Variants in PCDHA5 observed in about 807,000 individuals in gnomAD.
PCDHA5 encodes protocadherin alpha 5, also known as protocadherin alpha-5.
Under a neutral mutation model 61.6 loss-of-function variants are expected in PCDHA5, and 43 were observed. The observed-to-expected ratio is 0.70, with a 90% CI of 0.55 to 0.90. The LOEUF is 0.90. Ranked by LOEUF, PCDHA5 falls within the 40% of genes least tolerant of loss-of-function variation. PCDHA5 has a pLI of 0.00. For synonymous variants in PCDHA5, 627 were observed against 543.9 expected (o/e 1.15, Z -2.13); for missense variants, 1,298 against 1,222.7 (o/e 1.06, Z -0.92).
chr5:140,917,164 G>C (rs155804), intron 1 of PCDHA5, among the ~76,000 whole-genome samples: 48,022 of 151,994 alleles, frequency 0.32, 7,940 homozygotes, highest in East Asian at 0.52. Context: ...TATGGGAGGG[G>C]TGATGGTGGT....
intron 1 of PCDHA5, among the ~76,000 whole-genome samples, chr5:140,964,512 T>C (rs2095837085): frequency 6.6e-6 from 1 of 152,128 alleles, no homozygotes; most frequent in African/African-American, 2.4e-5. Context: ...CAATACCCAG[T>C]GGCCAGGTCT....
chr5:140,990,280 G>C (rs1224210562), intron 3 of PCDHA5, among the ~76,000 whole-genome samples: 1 of 152,264 alleles, frequency 6.6e-6, no homozygotes, highest in African/African-American at 2.4e-5. Context: ...CCCGGGTCTT[G>C]AGATTATCGA....
intron 1 of PCDHA5, among the ~76,000 whole-genome samples, chr5:140,961,978 G>T (rs1336878095): frequency 6.6e-6 from 1 of 151,828 alleles, no homozygotes; most frequent in Non-Finnish European, 1.5e-5. Context: ...CCGCCTCCTG[G>T]GTTCACGCCA....
At chr5:140,938,322 A>G (rs1467948489) in intron 1 of PCDHA5, among the ~76,000 whole-genome samples, 1 of 152,240 alleles carries the variant, frequency 6.6e-6, no homozygotes, top group Admixed American at 6.5e-5. Context: ...ATTGAATAGA[A>G]GTAATGTTAA....
rs185115696 is a variant in PCDHA5, at chr5:140,899,982, A to G, written c.2352+75855A>G. Among the ~76,000 whole-genome samples the G allele has an allele frequency of 7.7e-3, 1,166 of 150,716 alleles. 5 individuals carry two copies. The highest frequency in any genetic ancestry group is 0.018 in the African/African-American group (738 of 41,016). On this transcript the variant is annotated intron_variant, in intron 1 of 3. Coordinates refer to ENST00000529859, the MANE Select transcript of PCDHA5 (RefSeq NM_018908.3). Reference sequence around the variant, plus strand: ...GCTGCCATGCCCAGCTACTTTTTTGATTTTTTTTGTAGAGATGAGGTCTCA... The same window carrying G: ...GCTGCCATGCCCAGCTACTTTTTTGGTTTTTTTTGTAGAGATGAGGTCTCA...
chr5:140,869,199 C>T, intron 1 of PCDHA5: 1 of 1,614,024 alleles, frequency 6.2e-7, no homozygotes, highest in Non-Finnish European at 8.5e-7. Context: ...GCCAGCTCCA[C>T]TACTCCGTCT....
intron 1 of PCDHA5, among the ~76,000 whole-genome samples, chr5:140,922,507 C>G (rs2080870221): frequency 1.3e-5 from 2 of 152,154 alleles, no homozygotes; most frequent in Non-Finnish European, 2.9e-5. Flanking sequence ...AGCAGATGCA[C>G]CATTATTTCA....
At chr5:140,869,149 C>A in intron 1 of PCDHA5, 3 of 1,613,754 alleles carry the variant, frequency 1.9e-6, no homozygotes, top group Non-Finnish European at 2.5e-6. Flanking sequence ...ACGACTACAG[C>A]TCTGGCTTCT....
chr5:140,910,514 T>C (rs1246361505), intron 1 of PCDHA5, among the ~76,000 whole-genome samples: 1 of 152,218 alleles, frequency 6.6e-6, no homozygotes, highest in African/African-American at 2.4e-5. Flanking sequence ...TCTTCAAGGA[T>C]GCAGGTACTC....
chr5:140,833,054 T>C (rs1193790961), intron 1 of PCDHA5, among the ~76,000 whole-genome samples: 1 of 152,118 alleles, frequency 6.6e-6, no homozygotes. Context: ...AGAAAAGTAA[T>C]ATGAGAAAAA....
Position 140,842,816 on chromosome 5 carries a change from G to T in PCDHA5, c.2352+18689G>T, listed in dbSNP as rs144864522. On this transcript the variant is annotated intron_variant, in intron 1 of 3. Coordinates refer to ENST00000529859, the MANE Select transcript of PCDHA5 (RefSeq NM_018908.3). Reference sequence around the variant, plus strand: ...GTCCTACTCGCTTGTGGAGCGGCGGGTGGGCGAGCGCTCGCTGTCGAGCTA... The same window carrying T: ...GTCCTACTCGCTTGTGGAGCGGCGGTTGGGCGAGCGCTCGCTGTCGAGCTA... 2.5e-5 allele frequency: 40 copies of T among 1,594,004 alleles called. 2 individuals are homozygous for T. The African/African-American group carries it at 4.0e-4, about 16-fold the overall frequency.
At chr5:140,980,196 A>T (rs1404667828) in intron 2 of PCDHA5, among the ~76,000 whole-genome samples, 1 of 152,214 alleles carries the variant, frequency 6.6e-6, no homozygotes, top group Non-Finnish European at 1.5e-5. Flanking sequence ...TTTATTAGAG[A>T]CCAACTTGTG....
intron 1 of PCDHA5, among the ~76,000 whole-genome samples, chr5:140,897,497 G>C (rs1554187423): frequency 6.6e-6 from 1 of 152,010 alleles, no homozygotes; most frequent in Admixed American, 6.6e-5. Flanking sequence ...TTTCAACCAT[G>C]TCCCTACAAA....
rs1316774875 is a variant in PCDHA5 at position 140,883,076 on chromosome 5, G to T, written c.2352+58949G>T. The T allele has an allele frequency of 3.1e-6, 5 of 1,614,032 alleles. No homozygotes were observed. Among genetic ancestry groups the T allele is most frequent in the Middle Eastern group, 1.6e-4 (1 of 6,084 alleles). On this transcript the variant is annotated intron_variant, in intron 1 of 3. Transcript: ENST00000529859. ...GATCAAGCTAAATGCCACAGATCCT[G>T]ATGATGGTACAAATGGAGATATAGT...
chr5:140,840,468 A>G (rs2150307012), intron 1 of PCDHA5, among the ~76,000 whole-genome samples: 2 of 151,992 alleles, frequency 1.3e-5, no homozygotes, highest in Non-Finnish European at 2.9e-5. Context: ...AAGTTGGGGA[A>G]AAAAGTTTAA....
intron 1 of PCDHA5, among the ~76,000 whole-genome samples, chr5:140,959,306 T>C (rs1554224009): frequency 6.6e-6 from 1 of 152,072 alleles, no homozygotes. Flanking sequence ...AGCCCGGTGG[T>C]TGAAGCTGCA....
At chr5:140,868,032 C>T (rs1456286268) in intron 1 of PCDHA5, 1 of 152,026 alleles carries the variant, frequency 6.6e-6, no homozygotes, top group Non-Finnish European at 1.5e-5. Flanking sequence ...ATGTTGGTGA[C>T]TTGGAAATAC....
intron 1 of PCDHA5, chr5:140,849,147 G>A (rs2150431262): frequency 2.3e-6 from 3 of 1,282,624 alleles, no homozygotes; most frequent in South Asian, 2.7e-5. Context: ...CACCGATGGA[G>A]GCAAACCCGA....
rs1250461159 is a variant in PCDHA5 at position 140,856,238 on chromosome 5, C to A, written c.2352+32111C>A. 4 of 1,597,820 alleles carry A rather than the reference C, an allele frequency of 2.5e-6. 1 individual carries two copies. Among genetic ancestry groups the A allele is most frequent in the African/African-American group, 1.3e-5 (1 of 74,234 alleles). On this transcript the variant is annotated intron_variant, in intron 1 of 3. Coordinates refer to ENST00000529859, the MANE Select transcript of PCDHA5 (RefSeq NM_018908.3). ...GGCGGAGCTGGTGCAGCGCCTGTTC[C>A]GGGTGGCGTCCAAAAGACACGGGGA... is the stretch of plus-strand genomic sequence containing the variant.
Sources: allele counts gnomAD v4.1 joint callset (sites outside exome capture counted in the v4.1 genomes callset), GRCh38; gene constraint gnomAD v4.1.1; transcripts MANE v1.5; gene names NCBI Gene and HGNC (gene_info 2026-07-23, HGNC 2026-07-21).